ROS1: variants seen among roughly 807,000 people sequenced by gnomAD.
ROS1 encodes proto-oncogene tyrosine-protein kinase ROS.
Under a neutral mutation model 273.5 loss-of-function variants are expected in ROS1, and 263 were observed. The observed-to-expected ratio is 0.96, with a 90% CI of 0.87 to 1.06. The LOEUF (loss-of-function observed/expected upper bound fraction) is 1.06. Among genes scored for constraint, ROS1 ranks in the 50% least tolerant of loss-of-function variants. ROS1 has a pLI of 0.00. For synonymous variants in ROS1, 1,008 were observed against 954.1 expected (o/e 1.06, Z -1.04); for missense variants, 2,833 against 2,751.1 (o/e 1.03, Z -0.67).
At chr6:117,398,653 T>C (rs1223054815) in intron 7 of ROS1, among the ~76,000 whole-genome samples, 1 of 137,700 alleles carries the variant, frequency 7.3e-6, no homozygotes, top group Non-Finnish European at 1.5e-5. Context: ...CACTGCAACC[T>C]GGGTGACAGA....
intron 7 of ROS1, among the ~76,000 whole-genome samples, chr6:117,399,393 G>A (rs1034622263): frequency 9.2e-5 from 14 of 152,178 alleles, no homozygotes; most frequent in African/African-American, 2.9e-4. Context: ...GGTCTGAGGC[G>A]CTAAGCAAGA....
At chr6:117,291,237 G>C (rs1435659363) in intron 43 of ROS1, among the ~76,000 whole-genome samples, 2 of 152,066 alleles carry the variant, frequency 1.3e-5, no homozygotes, top group African/African-American at 4.8e-5. Context: ...GCCCAGAAAT[G>C]CTTGTTTCTT....
At chr6:117,370,502 T>C (rs1191288997) in intron 18 of ROS1, among the ~76,000 whole-genome samples, 1 of 152,186 alleles carries the variant, frequency 6.6e-6, no homozygotes, top group Non-Finnish European at 1.5e-5. Context: ...TTCTAATGAC[T>C]TTATAACCTA....
rs1407771730 is a variant in ROS1, at chr6:117,356,935, C to G, written c.3840-20G>C. On this transcript the variant is annotated intron_variant, in intron 25 of 43. Transcript: ENST00000368507. ...AAGCGACTATAGAGGAAAAAAAAGT[C>G]CCCCCAACTTAATGAGTAAAATACA... 1 of 1,587,216 alleles carries G rather than the reference C, an allele frequency of 6.3e-7. No individual in the cohort carries two copies. The highest frequency in any genetic ancestry group is 1.1e-5 in the South Asian group (1 of 87,076).
At chr6:117,351,809 G>T (rs181215500) in intron 27 of ROS1, among the ~76,000 whole-genome samples, 3 of 152,054 alleles carry the variant, frequency 2.0e-5, no homozygotes, top group African/African-American at 7.2e-5. Flanking sequence ...AAGCTTCTGG[G>T]CCAGAAACCA....
intron 26 of ROS1, among the ~76,000 whole-genome samples, chr6:117,354,988 C>G (rs964918073): frequency 1.2e-4 from 18 of 152,150 alleles, no homozygotes; most frequent in African/African-American, 4.3e-4. Flanking sequence ...TAATGGGATT[C>G]TTGCTAAAGG....
intron 43 of ROS1, among the ~76,000 whole-genome samples, chr6:117,294,147 G>C (rs943722462): frequency 2.0e-5 from 3 of 152,056 alleles, no homozygotes; most frequent in Non-Finnish European, 4.4e-5. Context: ...AGGCATGGAA[G>C]GAACATATCT....
intron 20 of ROS1, 68 bp downstream of exon 20, chr6:117,365,513 G>A: frequency 7.4e-7 from 1 of 1,344,428 alleles, no homozygotes; most frequent in Admixed American, 1.7e-5. Flanking sequence ...ACAGGTCAGT[G>A]TGGGCAAGGC....
Position 117,373,572 on chromosome 6 carries a change from G to A in ROS1, c.2582+5487C>T, listed in dbSNP as rs373014482. On this transcript the variant is annotated intron_variant, in intron 18 of 43. Transcript: ENST00000368507. The stretch of plus-strand genomic sequence containing the variant: ...CCGGGGCTGGTGGCACTGGCCAGCC[G>A]CTCTGAGTGCGGGGCCCGCCAAGCC... Among the ~76,000 whole-genome samples, 394 of 152,326 alleles carry A rather than the reference G, an allele frequency of 2.6e-3. 2 individuals carry two copies. The highest frequency in any genetic ancestry group is 8.9e-3 in the African/African-American group (371 of 41,584).
At chr6:117,356,297 G>A (rs896664608) in intron 26 of ROS1, among the ~76,000 whole-genome samples, 1 of 152,170 alleles carries the variant, frequency 6.6e-6, no homozygotes, top group Non-Finnish European at 1.5e-5. Context: ...TCTGTAAAAT[G>A]AGGATATTAG....
intron 1 of ROS1, among the ~76,000 whole-genome samples, chr6:117,424,883 T>C (rs1370438034): frequency 6.6e-6 from 1 of 152,182 alleles, no homozygotes. Flanking sequence ...TTTCTCTGTC[T>C]ATAGAGTACT....
chr6:117,365,853 T>A, intron 19 of ROS1, 112 bp from the exon 20 acceptor site: 1 of 1,009,920 alleles, frequency 9.9e-7, no homozygotes. Context: ...TGAAACAAAA[T>A]TTTTCTTTTC....
In ROS1 at chr6:117,337,273, A is replaced by G. The variant is rs778189228; in HGVS notation, c.5129T>C (p.Ile1710Thr). Residue 1710 changes from isoleucine to threonine, a missense_variant, in exon 32 of 44, where the codon ATC (isoleucine) becomes ACC (threonine). Ile to Thr is a moderately conservative substitution (Grantham distance 89). Coordinates refer to ENST00000368507, the MANE Select transcript of ROS1 (RefSeq NM_001378902.1). ...TGAAGTATAAGGTTGTAGATTTGTG[A>G]TATTACAGACATAAGCAGGACCTTG... ...CSQGPAYVCN[I>T]TNLQPYTSYN... 3 of 1,612,572 alleles carry G rather than the reference A, an allele frequency of 1.9e-6. No individual in the cohort carries two copies. The African/African-American group carries it at 4.0e-5, about 22-fold the overall frequency.
chr6:117,372,999 T>C (rs967739643), intron 18 of ROS1, among the ~76,000 whole-genome samples: 1 of 152,238 alleles, frequency 6.6e-6, no homozygotes, highest in Non-Finnish European at 1.5e-5. Flanking sequence ...TTGGTGCGTT[T>C]ACAATACCTG....
intron 17 of ROS1, among the ~76,000 whole-genome samples, chr6:117,380,958 C>T (rs555750339): frequency 4.3e-4 from 66 of 152,116 alleles, no homozygotes; most frequent in African/African-American, 1.2e-3. Flanking sequence ...TTCATTATGT[C>T]GGCTGATTGC....
rs556727680 is a variant in ROS1 at position 117,287,704 on chromosome 6, G to A, written c.*788C>T. On this transcript the variant is annotated 3_prime_UTR_variant, in exon 44 of 44. Coordinates refer to ENST00000368507, the MANE Select transcript of ROS1 (RefSeq NM_001378902.1). ...TGGGAGGCCAAGGCAGGTGGATCCC[G>A]AGGTCAGGAGTTCTAGACCAGCCTG... Among the ~76,000 whole-genome samples, 5 of 152,208 alleles carry A rather than the reference G, an allele frequency of 3.3e-5. No individual in the cohort carries two copies. The highest frequency in any genetic ancestry group is 2.0e-4 in the Admixed American group (3 of 15,282).
intron 7 of ROS1, among the ~76,000 whole-genome samples, chr6:117,398,693 A>AAAAAAAAAAAAAAAC (rs1554252569): frequency 1.5e-4 from 21 of 141,216 alleles, no homozygotes; most frequent in East Asian, 1.1e-3. Context: ...AAAAAAAAAA[A>AAAAAAAAAAAAAAAC]AAAACTCGCG....
chr6:117,357,123 T>C (rs1779386300), intron 25 of ROS1, among the ~76,000 whole-genome samples: 1 of 152,202 alleles, frequency 6.6e-6, no homozygotes, highest in Non-Finnish European at 1.5e-5. Context: ...GATTTCTCAA[T>C]AGATGTGTTT....
At chr6:117,386,535 T>C (rs1254347371) in intron 15 of ROS1, among the ~76,000 whole-genome samples, 4 of 152,230 alleles carry the variant, frequency 2.6e-5, no homozygotes, top group Non-Finnish European at 5.9e-5. Context: ...TTTCTGCTCC[T>C]GTCTTATAGC....
Sources: allele counts gnomAD v4.1 joint callset (sites outside exome capture counted in the v4.1 genomes callset), GRCh38; gene constraint gnomAD v4.1.1; transcripts MANE v1.5; gene names NCBI Gene and HGNC (gene_info 2026-07-23, HGNC 2026-07-21).